The following CCDC30 variants were observed in gnomAD, a reference collection of about 807,000 sequenced individuals.
CCDC30 encodes the protein coiled-coil domain containing 30, also known as coiled-coil domain-containing protein 30.
Under a neutral mutation model 100.2 loss-of-function variants are expected in CCDC30, and 70 were observed. That is an observed-to-expected ratio of 0.70 (90% confidence interval 0.58 to 0.85). The LOEUF (loss-of-function observed/expected upper bound fraction) is 0.85. Among genes scored for constraint, CCDC30 ranks in the 40% least tolerant of loss-of-function variants. The probability of loss-of-function intolerance (pLI) is 0.00; values close to 1 mark genes in which losing one functional copy is unlikely to be tolerated. For synonymous variants in CCDC30, 233 were observed against 269.5 expected, an observed-to-expected ratio of 0.86 and a Z score of 1.33; for missense variants, 652 against 771.2, an observed-to-expected ratio of 0.85 and a Z score of 1.83.
upstream of CCDC30, among the ~76,000 whole-genome samples, chr1:42,461,180 C>G (rs1428864322): frequency 1.3e-5 from 2 of 152,124 alleles, no homozygotes; most frequent in Admixed American, 6.5e-5. Flanking sequence ...AGGGTAGCCC[C>G]TGTGTCTGTC....
chr1:42,619,046 C>T (rs2148654607), intron 11 of CCDC30, among the ~76,000 whole-genome samples: 1 of 152,094 alleles, frequency 6.6e-6, no homozygotes, highest in Non-Finnish European at 1.5e-5. Flanking sequence ...CTGAGTAAAC[C>T]AGTGCCCAGC....
chr1:42,583,999 G>A (rs1333802003), intron 9 of CCDC30, among the ~76,000 whole-genome samples: 1 of 152,212 alleles, frequency 6.6e-6, no homozygotes, highest in Non-Finnish European at 1.5e-5. Flanking sequence ...GATGGAAAAG[G>A]TGAAGGAGGA....
chr1:42,461,837 G>A (rs891959822), upstream of CCDC30, among the ~76,000 whole-genome samples: 4 of 151,958 alleles, frequency 2.6e-5, no homozygotes, highest in African/African-American at 2.4e-5. Flanking sequence ...GAGCCACCGC[G>A]CCCAGCCACC....
At chr1:42,583,057 G>A (rs887435524) in intron 9 of CCDC30, among the ~76,000 whole-genome samples, 2 of 152,140 alleles carry the variant, frequency 1.3e-5, no homozygotes, top group East Asian at 1.9e-4. Flanking sequence ...TTCAATTAGG[G>A]CACAAAAAAA....
intron 11 of CCDC30, among the ~76,000 whole-genome samples, chr1:42,633,071 A>G (rs1486448735): frequency 5.3e-5 from 8 of 152,066 alleles, no homozygotes; most frequent in Admixed American, 6.5e-5. Flanking sequence ...CTGCCTCCCA[A>G]AGTGCTGGGA....
intron 6 of CCDC30, among the ~76,000 whole-genome samples, chr1:42,546,399 AAT>A (rs66804938): frequency 3.6e-3 from 43 of 11,984 alleles, no homozygotes; most frequent in African/African-American, 8.1e-3. Flanking sequence ...AAAAAAAAAA[AAT>A]ATATATATAT....
chr1:42,504,902 A>G (rs1644372699), intron 6 of CCDC30, among the ~76,000 whole-genome samples: 2 of 152,196 alleles, frequency 1.3e-5, no homozygotes, highest in African/African-American at 4.8e-5. Flanking sequence ...GGTGTGACAT[A>G]TTACCAAACC....
intron 11 of CCDC30, among the ~76,000 whole-genome samples, chr1:42,624,661 TAG>T (rs1241120323): frequency 6.6e-6 from 1 of 152,142 alleles, no homozygotes. Context: ...TAATTTTTTG[TAG>T]AGATGGAGTC....
intron 6 of CCDC30, among the ~76,000 whole-genome samples, chr1:42,527,934 C>T (rs569402852): frequency 2.6e-5 from 4 of 151,610 alleles, no homozygotes; most frequent in African/African-American, 9.7e-5. Context: ...GGCGCGATAC[C>T]GACTCACTGG....
intron 13 of CCDC30, among the ~76,000 whole-genome samples, chr1:42,643,148 A>G (rs1304401760): frequency 1.3e-5 from 2 of 152,216 alleles, no homozygotes; most frequent in Non-Finnish European, 2.9e-5. Flanking sequence ...AACTGGAATG[A>G]TTAAGATTTG....
At chr1:42,519,445 G>A (rs1028384651) in intron 6 of CCDC30, among the ~76,000 whole-genome samples, 1 of 152,102 alleles carries the variant, frequency 6.6e-6, no homozygotes, top group South Asian at 2.1e-4. Context: ...TTTACTTACT[G>A]ATTCATTCTT....
At chr1:42,607,753 C>T (rs917671079) in intron 10 of CCDC30, among the ~76,000 whole-genome samples, 4 of 152,030 alleles carry the variant, frequency 2.6e-5, no homozygotes, top group African/African-American at 9.7e-5. Flanking sequence ...AATCCCCAAG[C>T]CTTGAAGGGA....
intron 6 of CCDC30, among the ~76,000 whole-genome samples, chr1:42,561,912 A>C (rs1229520494): frequency 6.6e-6 from 1 of 152,228 alleles, no homozygotes; most frequent in African/African-American, 2.4e-5. Flanking sequence ...GACCTCTTCA[A>C]GGAGAACTAC....
exon 11 of CCDC30, chr1:42,611,029 G>C: frequency 6.2e-7 from 1 of 1,613,396 alleles, no homozygotes; most frequent in Admixed American, 1.7e-5. Context: ...GCTACAGCAA[G>C]AGAAGGAAGC....
intron 6 of CCDC30, chr1:42,558,154 A>G: frequency 3.3e-6 from 1 of 302,802 alleles, no homozygotes; most frequent in South Asian, 2.7e-5. Context: ...CTGAACTGGA[A>G]AATGTAGATG....
At chr1:42,608,716 C>CAA (rs3044834) in intron 10 of CCDC30, among the ~76,000 whole-genome samples, 14,699 of 55,084 alleles carry the variant, frequency 0.27, 2,770 homozygotes, top group East Asian at 0.45. Flanking sequence ...CTCTCTGTCT[C>CAA]AAAAAAAAAA....
At chr1:42,537,305 G>A (rs1409938934) in intron 6 of CCDC30, 1 of 455,016 alleles carries the variant, frequency 2.2e-6, no homozygotes, top group Non-Finnish European at 4.4e-6. Flanking sequence ...GTTCATGGAA[G>A]TCTAAATCAG....
upstream of CCDC30, chr1:42,460,241 C>T (rs564373566): frequency 5.8e-6 from 6 of 1,042,696 alleles, no homozygotes; most frequent in South Asian, 2.3e-4. Context: ...ATTATGGATG[C>T]ATGAATGGTC....
chr1:42,602,872 T>C (rs1297082498), intron 10 of CCDC30, among the ~76,000 whole-genome samples: 1 of 152,160 alleles, frequency 6.6e-6, no homozygotes, highest in Non-Finnish European at 1.5e-5. Flanking sequence ...GATATAAAAA[T>C]CCTCAGCAAA....
Sources: gnomAD v4.1 joint callset for allele counts (sites outside exome capture counted in the v4.1 genomes callset) on GRCh38, gnomAD v4.1.1 for gene constraint, MANE v1.5 for transcripts, NCBI Gene and HGNC (gene_info 2026-07-23, HGNC 2026-07-21) for gene names.